GON4L: variants seen among roughly 807,000 people sequenced by gnomAD.
GON4L encodes GON-4-like protein.
A neutral mutation model predicts 211.8 loss-of-function variants in GON4L; 87 were observed. That is an observed-to-expected ratio of 0.41 (90% CI 0.35 to 0.49). The LOEUF (loss-of-function observed/expected upper bound fraction) is 0.49, where lower values mean the gene tolerates loss of function less well. GON4L is among the 20% of genes least tolerant of loss of function. GON4L has a pLI of 0.15. For synonymous variants in GON4L, 875 were observed against 962.6 expected (o/e 0.91, Z 1.68); for missense variants, 2,155 against 2,659.5 (o/e 0.81, Z 4.17).
chr1:155,827,049 G>A lies in GON4L; in HGVS notation c.506-21C>T, dbSNP rs553032551. ...TTTCCCTGGAAGAATCACAAATATT[G>A]CTCCACACTTTGACCATTCTCAGTC... On this transcript the variant is annotated intron_variant, in intron 2 of 31. Coordinates refer to ENST00000368331, the MANE Select transcript of GON4L (RefSeq NM_001282860.2). 3.9e-6 allele frequency: 6 copies of A among 1,557,262 alleles called. No homozygotes were observed. In the East Asian group the frequency reaches 1.1e-4, roughly 29 times the overall value.
intron 2 of GON4L, chr1:155,846,294 G>A (rs145976521): frequency 0.074 from 11,912 of 161,372 alleles, 601 homozygotes; most frequent in Non-Finnish European, 0.11. Flanking sequence ...AGGCCGAGGC[G>A]GGCGGATCAC....
chr1:155,781,653 G>C (rs1454987858), intron 14 of GON4L, among the ~76,000 whole-genome samples: 2 of 151,484 alleles, frequency 1.3e-5, no homozygotes, highest in African/African-American at 4.9e-5. Context: ...AGTAGAGACG[G>C]GGTTTCACCA....
At chr1:155,833,218 A>C (rs1424497138) in intron 2 of GON4L, among the ~76,000 whole-genome samples, 1 of 152,178 alleles carries the variant, frequency 6.6e-6, no homozygotes, top group Non-Finnish European at 1.5e-5. Context: ...CTATGAACCC[A>C]TAGTTATTTA....
rs755138532 is a variant in GON4L at position 155,765,502 on chromosome 1, A to T, written c.3971T>A (p.Ile1324Asn). 2 of 1,614,040 alleles carry T rather than the reference A, an allele frequency of 1.2e-6. No homozygotes were observed. The highest frequency in any genetic ancestry group is 4.5e-5 in the East Asian group (2 of 44,874). Residue 1324 changes from isoleucine to asparagine, a missense_variant, in exon 21 of 32, where the codon ATT (isoleucine) becomes AAT (asparagine). Ile to Asn is a moderately radical substitution (Grantham distance 149). Coordinates refer to ENST00000368331, the MANE Select transcript of GON4L (RefSeq NM_001282860.2). ...NNPTPGDLEE[I>N]VKMEPEEARE... ...AGCTTCTTCAGGTTCCATCTTGACA[A>T]TTTCCTCTAAATCCCCAGGGGTAGG... is the stretch of plus-strand genomic sequence containing the variant.
chr1:155,824,026 C>T (rs1470012250), intron 3 of GON4L, among the ~76,000 whole-genome samples: 5 of 152,066 alleles, frequency 3.3e-5, no homozygotes, highest in African/African-American at 9.7e-5. Context: ...AGCATTTCCA[C>T]CCAACGAAAA....
chr1:155,826,385 CA>C (rs1669218995), intron 3 of GON4L, among the ~76,000 whole-genome samples: 1 of 151,776 alleles, frequency 6.6e-6, no homozygotes, highest in African/African-American at 2.4e-5. Flanking sequence ...GCCAACATAG[CA>C]AAACCCTGTC....
chr1:155,766,010 C>A lies in GON4L; in HGVS notation c.3463G>T (p.Val1155Leu), dbSNP rs1465811543. The change falls in exon 21 of 32, where the codon GTG becomes TTG. Residue 1155 changes from valine to leucine, a missense_variant. By Grantham distance (32) the Val-to-Leu change is conservative (BLOSUM62 1). Coordinates refer to ENST00000368331, the MANE Select transcript of GON4L (RefSeq NM_001282860.2). The part of the protein sequence containing the change: ...FTVPATTVKI[V>L]SLGGGCNMIQ... ...ATGTTACAGCCACCGCCAAGGCTCA[C>A]AATCTTCACAGTGGTAGCAGGAACA... 2 of 1,614,178 alleles carry A rather than the reference C, an allele frequency of 1.2e-6. No homozygotes were observed. The highest frequency in any genetic ancestry group is 1.7e-6 in the Non-Finnish European group (2 of 1,180,032).
chr1:155,831,252 T>C (rs1160049090), intron 2 of GON4L, among the ~76,000 whole-genome samples: 4 of 152,034 alleles, frequency 2.6e-5, no homozygotes, highest in Non-Finnish European at 5.9e-5. Context: ...TGAGCCGTAA[T>C]TGCACTGCTG....
chr1:155,748,352 T>G, downstream of GON4L: 1 of 1,549,000 alleles, frequency 6.5e-7, no homozygotes, highest in Non-Finnish European at 8.9e-7. Context: ...CTCCACACAT[T>G]CTTTTCCAGG....
chr1:155,854,620 T>C (rs531161165), intron 1 of GON4L, among the ~76,000 whole-genome samples: 1 of 152,284 alleles, frequency 6.6e-6, no homozygotes, highest in South Asian at 2.1e-4. Flanking sequence ...AAATGGAATA[T>C]AATAGCATCT....
chr1:155,817,070 G>A (rs1668317406), intron 6 of GON4L, among the ~76,000 whole-genome samples: 2 of 152,088 alleles, frequency 1.3e-5, no homozygotes, highest in Non-Finnish European at 2.9e-5. Flanking sequence ...GCTCACTGCA[G>A]CCTCAAATTC....
At chr1:155,813,059 G>A (rs573491104) in intron 10 of GON4L, among the ~76,000 whole-genome samples, 7 of 152,238 alleles carry the variant, frequency 4.6e-5, no homozygotes, top group Admixed American at 1.3e-4. Context: ...GGTTAATTTG[G>A]GGGAATTTGG....
intron 12 of GON4L, among the ~76,000 whole-genome samples, chr1:155,794,805 T>A (rs979405476): frequency 6.6e-6 from 1 of 152,218 alleles, no homozygotes. Context: ...CATGTCTTAT[T>A]CATCTTGCAC....
rs1667990940 is a variant in GON4L, at chr1:155,813,745, C to T, written c.1341G>A (p.Gly447=). 9.3e-6 allele frequency: 15 copies of T among 1,613,586 alleles called. No homozygotes were observed. Among genetic ancestry groups the T allele is most frequent in the African/African-American group, 2.7e-5 (2 of 74,908 alleles). Residue 447 remains glycine (G), a synonymous_variant, in exon 10 of 32, where the codon GGG becomes GGA. Coordinates refer to ENST00000368331, the MANE Select transcript of GON4L (RefSeq NM_001282860.2). ...GTTTCGGCTTTGGAGGGGGCGGGGGCCCCATGGGCACTACCTCAGCACTGA... is the reference window on the plus strand; with the variant it reads ...GTTTCGGCTTTGGAGGGGGCGGGGGTCCCATGGGCACTACCTCAGCACTGA... ...RHISAEVVPM[G]PPPPPKPKQT...
chr1:155,801,052 C>T (rs1212761824), intron 11 of GON4L, among the ~76,000 whole-genome samples: 2 of 149,178 alleles, frequency 1.3e-5, no homozygotes, highest in Non-Finnish European at 3.0e-5. Context: ...CCACTCGGGT[C>T]CCCTACCACG....
At chr1:155,767,264 A>G (rs487451) in intron 20 of GON4L, 161 bp downstream of exon 20, 4 of 1,515,720 alleles carry the variant, frequency 2.6e-6, no homozygotes, top group African/African-American at 2.8e-5. Flanking sequence ...AGAATCACCC[A>G]GAGAAGGGCA....
chr1:155,811,391 CAAAAAAAA>C (rs777417019), intron 10 of GON4L, among the ~76,000 whole-genome samples: 12 of 33,168 alleles, frequency 3.6e-4, no homozygotes, highest in African/African-American at 2.1e-3. Context: ...GACTCCGTCT[CAAAAAAAA>C]AAAAAAAAAA....
In GON4L at chr1:155,752,555, G is replaced by C. The variant is rs1393820783; in HGVS notation, c.5878C>G (p.Arg1960Gly). 1 of 1,597,964 alleles carries C rather than the reference G, an allele frequency of 6.3e-7. No individual in the cohort carries two copies. Among genetic ancestry groups the C allele is most frequent in the Non-Finnish European group, 8.5e-7 (1 of 1,172,132 alleles). ...LAVGSTLPSP[R>G]EVTVTERLLL... is the part of the protein sequence containing the mutation. ...AGCCGTTCTGTAACAGTCACTTCTCGAGGGGATGGCAAAGTGCTCCCCACT... is the reference window on the plus strand; with the variant it reads ...AGCCGTTCTGTAACAGTCACTTCTCCAGGGGATGGCAAAGTGCTCCCCACT... The change falls in exon 30 of 32, where the codon CGA (arginine) becomes GGA (glycine). Residue 1960 changes from arginine (R) to glycine (G), a missense_variant. Arg to Gly is a moderately radical substitution (Grantham distance 125, BLOSUM62 -2). This residue lies in a region of GON4L where 455 missense variants were observed against 504.6 expected (regional missense o/e 0.90). Transcript: ENST00000368331.
At position 155,840,451 on chromosome 1, in the gene GON4L, C is replaced by T. The variant is rs547331169; in HGVS notation, c.505+12825G>A. On this transcript the variant is annotated intron_variant, in intron 2 of 31. Transcript: ENST00000368331. The stretch of plus-strand genomic sequence containing the variant: ...CAGAATCGAATCCTAGCTTGATTGT[C>T]TGGCTTGTTGCTGGGCTTTATCAAA... Among the ~76,000 whole-genome samples the T allele has an allele frequency of 2.0e-5, 3 of 152,290 alleles. No individual in the cohort carries two copies. The East Asian group carries it at 5.8e-4, about 29-fold the overall frequency.
Sources: gnomAD v4.1 joint callset for allele counts (sites outside exome capture counted in the v4.1 genomes callset) on GRCh38, gnomAD v4.1.1 for gene constraint, gnomAD v4.1.1 regional missense constraint, MANE v1.5 for transcripts, NCBI Gene and HGNC (gene_info 2026-07-23, HGNC 2026-07-21) for gene names.